ANO4: variants seen among roughly 807,000 people sequenced by gnomAD.
The protein encoded by ANO4 is anoctamin-4.
ANO4 carries 69 observed loss-of-function variants against 141.9 expected under a neutral mutation model. That is an observed-to-expected ratio of 0.49 (90% CI 0.40 to 0.59). ANO4 has a LOEUF of 0.59. Among genes scored for constraint, ANO4 ranks in the 20% least tolerant of loss-of-function variants. The pLI, the probability that ANO4 is intolerant of heterozygous loss-of-function variation, is 0.00. For missense variants in ANO4, 894 were observed against 1,162.2 expected, an observed-to-expected ratio of 0.77 and a Z score of 3.36; for synonymous variants, 350 against 394.3, an observed-to-expected ratio of 0.89 and a Z score of 1.33.
intron 2 of ANO4, among the ~76,000 whole-genome samples, chr12:100,905,502 G>A (rs771665889): frequency 1.2e-4 from 18 of 152,202 alleles, no homozygotes; most frequent in Non-Finnish European, 2.2e-4. Flanking sequence ...AGTCAAATAA[G>A]ATGAGGACTG....
Position 101,007,661 on chromosome 12 carries a change from T to C in ANO4, c.735-12373T>C, listed in dbSNP as rs901169576. Among the ~76,000 whole-genome samples the C allele has an allele frequency of 3.3e-5, 5 of 152,286 alleles. No homozygotes were observed. The East Asian group carries it at 9.7e-4, about 29-fold the overall frequency. On this transcript the variant is annotated intron_variant, in intron 8 of 27. Coordinates refer to ENST00000392977, the MANE Select transcript of ANO4 (RefSeq NM_001286615.2). ...TTCAAGATGTTGTCATTCCAACCAA[T>C]AAGATATAACCTAGCTATATTATTT... is the stretch of plus-strand genomic sequence containing the variant.
At chr12:101,042,241 G>T (rs2047436298) in intron 11 of ANO4, 93 bp from the exon 12 acceptor site, 3 of 1,504,968 alleles carry the variant, frequency 2.0e-6, no homozygotes, top group Non-Finnish European at 2.7e-6. Context: ...TACCTCGTAA[G>T]GCCGCTACAA....
At chr12:101,069,023 GA>G in intron 14 of ANO4, 1 of 802,298 alleles carries the variant, frequency 1.2e-6, no homozygotes, top group Admixed American at 1.7e-5. Flanking sequence ...AAAGAGCAAA[GA>G]TGTCAAGTTG....
intron 1 of ANO4, among the ~76,000 whole-genome samples, chr12:100,877,017 G>A (rs1370368185): frequency 6.6e-6 from 1 of 152,114 alleles, no homozygotes; most frequent in Non-Finnish European, 1.5e-5. Context: ...AATAAGCCAG[G>A]TACTGAAAGA....
intron 9 of ANO4, among the ~76,000 whole-genome samples, chr12:101,036,240 CT>C (rs1397321378): frequency 6.6e-6 from 1 of 151,998 alleles, no homozygotes; most frequent in African/African-American, 2.4e-5. Context: ...CACTTGTGCG[CT>C]GTTAGTAGGA....
intron 5 of ANO4, among the ~76,000 whole-genome samples, chr12:100,955,379 G>T (rs2043138292): frequency 6.6e-6 from 1 of 152,168 alleles, no homozygotes; most frequent in African/African-American, 2.4e-5. Flanking sequence ...GCTCAGTCAG[G>T]GTTGTGGGCT....
In ANO4 at chr12:101,012,850, G is replaced by A. The variant is rs554234865; in HGVS notation, c.735-7184G>A. 2.6e-5 allele frequency among the ~76,000 whole-genome samples: 4 copies of A among 152,276 alleles called. 1 individual carries two copies. The highest frequency in any genetic ancestry group is 9.6e-5 in the African/African-American group (4 of 41,560). On this transcript the variant is annotated intron_variant, in intron 8 of 27. Transcript: ENST00000392977. ...TCAGATTCAGGATAATATTTGGGAAGAGGAGCCCAGAGACCTTGATGGATT... is the reference window on the plus strand; with the variant it reads ...TCAGATTCAGGATAATATTTGGGAAAAGGAGCCCAGAGACCTTGATGGATT...
At chr12:101,042,704 T>C (rs1274249902) in intron 12 of ANO4, among the ~76,000 whole-genome samples, 1 of 152,240 alleles carries the variant, frequency 6.6e-6, no homozygotes, top group Non-Finnish European at 1.5e-5. Flanking sequence ...CAAGCCACTA[T>C]ATATCCACAG....
At chr12:100,922,125 A>T in intron 2 of ANO4, 101 bp from the exon 3 acceptor site, 1 of 703,866 alleles carries the variant, frequency 1.4e-6, no homozygotes, top group Non-Finnish European at 2.1e-6. Context: ...CAAACCAGCT[A>T]GCCATTCACT....
chr12:100,740,592 T>C (rs2031819773), intron 3 of ANO4, among the ~76,000 whole-genome samples: 1 of 152,186 alleles, frequency 6.6e-6, no homozygotes, highest in Admixed American at 6.5e-5. Flanking sequence ...TTCAAAAAAG[T>C]CATCAAAAAG....
chr12:101,055,715 G>A (rs1212188660), intron 14 of ANO4, among the ~76,000 whole-genome samples: 1 of 151,344 alleles, frequency 6.6e-6, no homozygotes, highest in Non-Finnish European at 1.5e-5. Flanking sequence ...CTCATTTTTT[G>A]TTTTATTTAT....
At chr12:100,771,628 G>A (rs1233449554) in intron 3 of ANO4, among the ~76,000 whole-genome samples, 1 of 152,198 alleles carries the variant, frequency 6.6e-6, no homozygotes, top group Non-Finnish European at 1.5e-5. Context: ...TAGGAGAAGG[G>A]AGAGGGGAAG....
At chr12:101,011,658 G>C (rs1370402150) in intron 8 of ANO4, among the ~76,000 whole-genome samples, 1 of 152,138 alleles carries the variant, frequency 6.6e-6, no homozygotes, top group Admixed American at 6.5e-5. Flanking sequence ...GGAACAACAA[G>C]AAGACTGTAG....
intron 3 of ANO4, among the ~76,000 whole-genome samples, chr12:100,764,486 C>T (rs2032998258): frequency 6.6e-6 from 1 of 152,202 alleles, no homozygotes; most frequent in African/African-American, 2.4e-5. Context: ...CATTTTTACT[C>T]ACTTTAATTA....
At chr12:100,853,669 T>A (rs2038006851) in intron 1 of ANO4, among the ~76,000 whole-genome samples, 1 of 152,158 alleles carries the variant, frequency 6.6e-6, no homozygotes, top group Non-Finnish European at 1.5e-5. Flanking sequence ...TTCATTTACC[T>A]TTACTTTAGA....
intron 4 of ANO4, among the ~76,000 whole-genome samples, chr12:100,941,368 C>T (rs1036695586): frequency 2.0e-5 from 3 of 152,080 alleles, no homozygotes; most frequent in Non-Finnish European, 2.9e-5. Flanking sequence ...CACATAGATT[C>T]GTAGTCTTAA....
intron 1 of ANO4, among the ~76,000 whole-genome samples, chr12:100,727,669 G>A (rs2031189708): frequency 1.3e-5 from 2 of 151,932 alleles, no homozygotes; most frequent in South Asian, 4.2e-4. Context: ...AACATGTATT[G>A]TTATTACTAC....
chr12:101,040,223 C>T (rs1245396864), intron 11 of ANO4, 147 bp downstream of exon 11: 4 of 1,033,504 alleles, frequency 3.9e-6, no homozygotes, highest in African/African-American at 3.2e-5. Flanking sequence ...GGAAACTCAT[C>T]TGAGGACATC....
At chr12:100,970,162 T>G (rs1182782471) in intron 5 of ANO4, among the ~76,000 whole-genome samples, 2 of 152,196 alleles carry the variant, frequency 1.3e-5, no homozygotes, top group African/African-American at 4.8e-5. Context: ...TTTGGCTCCC[T>G]TCATCTCCAC....
Sources: allele counts gnomAD v4.1 joint callset (sites outside exome capture counted in the v4.1 genomes callset), GRCh38; gene constraint gnomAD v4.1.1; transcripts MANE v1.5; gene names NCBI Gene and HGNC (gene_info 2026-07-23, HGNC 2026-07-21).